The following TANC2 variants were observed in gnomAD, a reference collection of about 807,000 sequenced individuals.
The protein encoded by TANC2 is protein TANC2.
TANC2 carries 26 observed loss-of-function variants against 210.5 expected under a neutral mutation model. The observed-to-expected ratio is 0.12, with a 90% CI of 0.09 to 0.17. The LOEUF (loss-of-function observed/expected upper bound fraction) is 0.17, where lower values mean the gene tolerates loss of function less well. Ranked by LOEUF, TANC2 falls within the 10% of genes least tolerant of loss-of-function variation. The pLI, the probability that TANC2 is intolerant of heterozygous loss-of-function variation, is 1.00. For missense variants in TANC2, 2,129 were observed against 2,608.9 expected (o/e 0.82, Z 4.01); for synonymous variants, 931 against 967.1 (o/e 0.96, Z 0.69).
In TANC2 at chr17:63,111,961, T is replaced by G. The variant is rs528570370; in HGVS notation, c.322+12604T>G. 6.6e-5 allele frequency among the ~76,000 whole-genome samples: 10 copies of G among 152,276 alleles called. No individual in the cohort carries two copies. The South Asian group carries it at 2.1e-3, about 32-fold the overall frequency. ...GGATGGTCTCGATCTCCTGACCTTG[T>G]GATCCGCCCGCCTCGGCCTTCCAAA... On this transcript the variant is annotated intron_variant, in intron 4 of 27. Transcript: ENST00000689528.
intron 9 of TANC2, among the ~76,000 whole-genome samples, chr17:63,288,872 G>A (rs1475784302): frequency 6.6e-6 from 1 of 152,066 alleles, no homozygotes; most frequent in African/African-American, 2.4e-5. Context: ...TTTCTTGCAA[G>A]GCAAGTCTGG....
At chr17:63,287,339 A>G (rs2044254593) in intron 9 of TANC2, among the ~76,000 whole-genome samples, 1 of 152,184 alleles carries the variant, frequency 6.6e-6, no homozygotes. Context: ...CTGTTTTAAG[A>G]TATTTCTCTA....
intron 11 of TANC2, chr17:63,339,127 TAA>T (rs904180665): frequency 2.0e-5 from 3 of 152,182 alleles, no homozygotes; most frequent in African/African-American, 7.2e-5. Flanking sequence ...GTGAGGAGGA[TAA>T]AGATGGTGAT....
At chr17:63,351,693 T>C (rs2046615255) in intron 13 of TANC2, among the ~76,000 whole-genome samples, 1 of 152,162 alleles carries the variant, frequency 6.6e-6, no homozygotes, top group South Asian at 2.1e-4. Context: ...TAGACTGTTC[T>C]GAGGACAGCA....
intron 20 of TANC2, 21 bp downstream of exon 20, chr17:63,405,276 C>CA: frequency 6.5e-7 from 1 of 1,540,506 alleles, no homozygotes; most frequent in Non-Finnish European, 8.8e-7. Flanking sequence ...CGACCACTTC[C>CA]AGTCCCTCAG....
chr17:63,074,899 A>G (rs2036518876), intron 3 of TANC2, among the ~76,000 whole-genome samples: 1 of 152,200 alleles, frequency 6.6e-6, no homozygotes, highest in African/African-American at 2.4e-5. Flanking sequence ...GCTGAGATTT[A>G]CAGATGTGCA....
rs57550590 is a variant in TANC2 at position 63,046,325 on chromosome 17, C to CTTTTTTT, written c.68-27600_68-27594dup. 4.1e-4 allele frequency among the ~76,000 whole-genome samples: 18 copies of CTTTTTTT among 44,142 alleles called. 4 individuals carry two copies. Among genetic ancestry groups the CTTTTTTT allele is most frequent in the African/African-American group, 1.6e-3 (14 of 8,536 alleles). 29.0% of individuals were successfully genotyped at this position (44,142 alleles called of 152,430 possible). On this transcript the variant is annotated intron_variant, in intron 2 of 27. Coordinates refer to ENST00000689528, the Ensembl canonical transcript of TANC2. Reference sequence around the variant, plus strand: ...CAGGTGCGTGCCACCACACCCAGCTCTTTTTTTTTTTTTTTTTTTTTTTTG... The same window carrying CTTTTTTT: ...CAGGTGCGTGCCACCACACCCAGCTCTTTTTTTTTTTTTTTTTTTTTTTTTTTTTTTG...
chr17:62,984,750 C>T, intron 1 of TANC2, among the ~76,000 whole-genome samples: 1 of 151,260 alleles, frequency 6.6e-6, no homozygotes, highest in Non-Finnish European at 1.5e-5. Context: ...GTTTTATTTC[C>T]ATGTGTTTGT....
intron 2 of TANC2, among the ~76,000 whole-genome samples, chr17:63,073,276 A>G (rs931606789): frequency 1.3e-5 from 2 of 151,994 alleles, no homozygotes; most frequent in African/African-American, 2.4e-5. Flanking sequence ...TTCTGTTTCT[A>G]TATAACAAAA....
intron 11 of TANC2, among the ~76,000 whole-genome samples, chr17:63,322,194 C>T (rs1472634518): frequency 1.3e-5 from 2 of 152,072 alleles, no homozygotes; most frequent in African/African-American, 2.4e-5. Context: ...TAAATATCTC[C>T]TGTGTAAACG....
intron 4 of TANC2, chr17:63,150,588 T>C (rs1368982915): frequency 6.6e-6 from 1 of 152,210 alleles, no homozygotes; most frequent in East Asian, 1.9e-4. Flanking sequence ...ATCACATGTC[T>C]TTAGCTTCTA....
intron 11 of TANC2, among the ~76,000 whole-genome samples, chr17:63,332,997 C>T (rs556169764): frequency 6.6e-6 from 1 of 152,338 alleles, no homozygotes; most frequent in South Asian, 2.1e-4. Context: ...CAAAATACTA[C>T]TCCTCATGGA....
chr17:63,354,650 AC>A (rs1199983583), intron 13 of TANC2, 132 bp from the exon 14 acceptor site: 1 of 1,153,064 alleles, frequency 8.7e-7, no homozygotes, highest in Non-Finnish European at 1.2e-6. Flanking sequence ...CTTTTTGGAT[AC>A]TAATACTTGA....
rs192990900 is a variant in TANC2, at chr17:63,242,398, A to T, written c.1033+4321A>T. On this transcript the variant is annotated intron_variant, in intron 8 of 27. Transcript: ENST00000689528. ...GATTCTTTAAAATATATCTATATAT[A>T]TAAAACATTATAATATCTGTATGTG... is the stretch of plus-strand genomic sequence containing the variant. Among the ~76,000 whole-genome samples the T allele has an allele frequency of 1.4e-3, 213 of 151,944 alleles. 1 individual carries two copies. The highest frequency in any genetic ancestry group is 5.0e-3 in the African/African-American group (206 of 41,514).
At chr17:62,981,496 T>G (rs191017153) in intron 1 of TANC2, among the ~76,000 whole-genome samples, 201 of 151,972 alleles carry the variant, frequency 1.3e-3, no homozygotes, top group Non-Finnish European at 2.3e-3. Flanking sequence ...TTCTCCTTCT[T>G]TCTTCCCTGA....
intron 3 of TANC2, among the ~76,000 whole-genome samples, chr17:63,090,607 T>C (rs1434685826): frequency 2.0e-5 from 3 of 152,214 alleles, no homozygotes; most frequent in Non-Finnish European, 4.4e-5. Context: ...CAGTCTATCA[T>C]TGATGGACAT....
chr17:63,314,575 C>T (rs1217278736), exon 10 of TANC2: 1 of 1,613,940 alleles, frequency 6.2e-7, no homozygotes, highest in Non-Finnish European at 8.5e-7. Context: ...TTGGATTCGG[C>T]AAAACTGCCA....
chr17:63,369,002 C>T (rs1042087353), intron 14 of TANC2, among the ~76,000 whole-genome samples: 2 of 152,168 alleles, frequency 1.3e-5, no homozygotes, highest in Non-Finnish European at 2.9e-5. Flanking sequence ...TTGCCACACT[C>T]GTGTTCCTAG....
At chr17:62,982,948 CTG>C (rs1368357287) in intron 1 of TANC2, among the ~76,000 whole-genome samples, 1 of 152,238 alleles carries the variant, frequency 6.6e-6, no homozygotes, top group South Asian at 2.1e-4. Flanking sequence ...TATTTGAAGA[CTG>C]TTGTGATTCC....
Sources: allele counts gnomAD v4.1 joint callset (sites outside exome capture counted in the v4.1 genomes callset), GRCh38; gene constraint gnomAD v4.1.1; transcripts MANE v1.5; gene names NCBI Gene and HGNC (gene_info 2026-07-23, HGNC 2026-07-21).